Variants in RPS20 observed in about 807,000 individuals in gnomAD.
RPS20 encodes ribosomal protein S20.
A neutral mutation model predicts 15.3 loss-of-function variants in RPS20; 3 were observed. That is an observed-to-expected ratio of 0.20 (90% CI 0.09 to 0.51). The LOEUF is 0.51. Among genes scored for constraint, RPS20 ranks in the 20% least tolerant of loss-of-function variants. RPS20 has a pLI of 0.96. For synonymous variants in RPS20, 62 were observed against 47.8 expected (o/e 1.30, Z -1.23); for missense variants, 67 against 145.9 (o/e 0.46, Z 2.79).
Position 56,073,290 on chromosome 8 carries a change from G to A in RPS20, c.178-18C>T, listed in dbSNP as rs753827762. ...CTCAAAGTCTGTAACAAAAGACAAA[G>A]GAAACCAAGTGTTTATCGTTTTATA... is the stretch of plus-strand genomic sequence containing the variant. On this transcript the variant is annotated intron_variant, in intron 3 of 3. Transcript: ENST00000009589. 3.6e-5 allele frequency: 54 copies of A among 1,501,894 alleles called. No homozygotes were observed. Among genetic ancestry groups the A allele is most frequent in the Non-Finnish European group, 4.2e-5 (45 of 1,081,102 alleles). 93.0% of individuals were successfully genotyped at this position (1,501,894 alleles called of 1,614,324 possible). A position where few individuals can be genotyped will look rare whatever the true frequency, so the allele number is the denominator to read the frequency against.
At chr8:56,073,014 C>A, downstream of RPS20, 3 of 1,547,352 alleles carry the variant, frequency 1.9e-6, no homozygotes, top group Non-Finnish European at 2.6e-6. Flanking sequence ...CCTTTATATT[C>A]CTAAAATCTG....
downstream of RPS20, among the ~76,000 whole-genome samples, chr8:56,072,111 T>A (rs1809778618): frequency 6.6e-6 from 1 of 152,106 alleles, no homozygotes; most frequent in African/African-American, 2.4e-5. Flanking sequence ...GGTAGCCACA[T>A]GCTTGTTAAG....
At chr8:56,070,515 C>T (rs1809722446), downstream of RPS20, among the ~76,000 whole-genome samples, 1 of 151,916 alleles carries the variant, frequency 6.6e-6, no homozygotes, top group African/African-American at 2.4e-5. Flanking sequence ...GAGGGTGGAT[C>T]GCCTGAGCAT....
chr8:56,069,766 A>C, downstream of RPS20: 1 of 1,551,616 alleles, frequency 6.4e-7, no homozygotes, highest in Non-Finnish European at 8.7e-7. Context: ...CGGGGATTCG[A>C]ATACACTTCT....
chr8:56,072,526 T>C (rs1809792094), downstream of RPS20, among the ~76,000 whole-genome samples: 1 of 149,444 alleles, frequency 6.7e-6, no homozygotes, highest in South Asian at 2.1e-4. Context: ...CACTCCAGCC[T>C]GGGCCACAGA....
intron 3 of RPS20, 179 bp from the exon 4 acceptor site, chr8:56,073,451 G>A (rs1240671322): frequency 1.6e-6 from 1 of 637,650 alleles, no homozygotes; most frequent in Non-Finnish European, 2.7e-6. Flanking sequence ...ACTGTGCTAG[G>A]ACACCACCCT....
At chr8:56,069,921 C>A, downstream of RPS20, 1 of 720,480 alleles carries the variant, frequency 1.4e-6, no homozygotes, top group Non-Finnish European at 2.5e-6. Context: ...CTGAATACAG[C>A]ATAACTACTT....
downstream of RPS20, among the ~76,000 whole-genome samples, chr8:56,072,381 A>G (rs1809788490): frequency 6.6e-6 from 1 of 151,994 alleles, no homozygotes; most frequent in Non-Finnish European, 1.5e-5. Context: ...ACAAAACCCC[A>G]TCTCTACTAT....
At chr8:56,068,891 C>T (rs930499693), downstream of RPS20, among the ~76,000 whole-genome samples, 15 of 126,696 alleles carry the variant, frequency 1.2e-4, no homozygotes, top group Admixed American at 2.0e-4. Context: ...CCTTGCCTCC[C>T]GGGTTCAAGT....
chr8:56,072,152 G>A (rs1001993103), downstream of RPS20, among the ~76,000 whole-genome samples: 18 of 151,876 alleles, frequency 1.2e-4, no homozygotes, highest in African/African-American at 4.4e-4. Context: ...GAGGTGGATT[G>A]CATGAGCCCA....
downstream of RPS20, among the ~76,000 whole-genome samples, chr8:56,068,693 TATG>T (rs1467175780): frequency 6.6e-6 from 1 of 151,278 alleles, no homozygotes; most frequent in Admixed American, 6.6e-5. Context: ...ATACCAGATA[TATG>T]ATATTGTACT....
intron 2 of RPS20, 128 bp downstream of exon 2, chr8:56,073,932 A>G (rs562602087): frequency 9.0e-7 from 1 of 1,112,952 alleles, no homozygotes; most frequent in South Asian, 1.2e-5. Context: ...ATTTTAAGCC[A>G]CGCTTTACTT....
intron 2 of RPS20, 114 bp downstream of exon 2, chr8:56,073,946 T>A: frequency 8.8e-7 from 1 of 1,139,782 alleles, no homozygotes; most frequent in African/African-American, 1.5e-5. Flanking sequence ...TTTACTTTTT[T>A]AAGTAACTTG....
At chr8:56,074,301 C>T in intron 1 of RPS20, 80 bp downstream of exon 1, 1 of 1,546,008 alleles carries the variant, frequency 6.5e-7, no homozygotes, top group Non-Finnish European at 8.7e-7. Flanking sequence ...CATCTGCCCT[C>T]AGGAGCACGA....
At chr8:56,073,342 A>G (rs1288484594) in intron 3 of RPS20, 70 bp from the exon 4 acceptor site, 14 of 957,918 alleles carry the variant, frequency 1.5e-5, no homozygotes, top group Middle Eastern at 2.2e-4. Context: ...CTGGAAAATC[A>G]TTACTTCTAA....
At position 56,074,402 on chromosome 8, in the gene RPS20, T is replaced by C; in HGVS notation, c.-19A>G. 6.4e-7 allele frequency: 1 copy of C among 1,557,956 alleles called. No individual in the cohort carries two copies. The highest frequency in any genetic ancestry group is 2.4e-5 in the East Asian group (1 of 42,360). Reference sequence around the variant, plus strand: ...TCACCATGGCTGTTGCGCGCGGGCTTCCTGACCGACTTGTTCCTCGGCGAG... The same window carrying C: ...TCACCATGGCTGTTGCGCGCGGGCTCCCTGACCGACTTGTTCCTCGGCGAG... On this transcript the variant is annotated 5_prime_UTR_variant, in exon 1 of 4. Transcript: ENST00000009589.
In RPS20 at chr8:56,074,174, A is replaced by G. The variant is rs746963404; in HGVS notation, c.4-15T>C. ...TCCTTAAAAGCCTATTATTAGATACATGAAAAAGAACAATAAGCCAAAAAT... is the reference window on the plus strand; with the variant it reads ...TCCTTAAAAGCCTATTATTAGATACGTGAAAAAGAACAATAAGCCAAAAAT... On this transcript the variant is annotated splice_polypyrimidine_tract_variant and intron_variant, in intron 1 of 3. Transcript: ENST00000009589. 7.5e-6 allele frequency: 12 copies of G among 1,602,894 alleles called. No individual in the cohort carries two copies. The highest frequency in any genetic ancestry group is 2.2e-5 in the East Asian group (1 of 44,856).
At position 56,074,479 on chromosome 8, in the gene RPS20, C is replaced by A. The variant is rs1207821774; in HGVS notation, c.-96G>T. 5 of 1,351,446 alleles carry A rather than the reference C, an allele frequency of 3.7e-6. No homozygotes were observed. The highest frequency in any genetic ancestry group is 5.0e-6 in the Non-Finnish European group (5 of 991,418). The allele number at this position is 1,351,446 out of a possible 1,614,324, so 83.7% of individuals were successfully genotyped here. A position where few individuals can be genotyped will look rare whatever the true frequency, so the allele number is the denominator to read the frequency against. On this transcript the variant is annotated 5_prime_UTR_variant, in exon 1 of 4. Transcript: ENST00000009589. ...GAGCGTGCGGACCAAAAATCCTCAG[C>A]CCTTACGACCGCGTCTTCCTCAAAA...
intron 3 of RPS20, 155 bp from the exon 4 acceptor site, chr8:56,073,427 C>T (rs1809825703): frequency 1.5e-6 from 1 of 664,552 alleles, no homozygotes; most frequent in Non-Finnish European, 2.6e-6. Context: ...GTTGAAAATG[C>T]CAGGTCTGTT....
Sources: gnomAD v4.1 joint callset for allele counts (sites outside exome capture counted in the v4.1 genomes callset) on GRCh38, gnomAD v4.1.1 for gene constraint, MANE v1.5 for transcripts, NCBI Gene and HGNC (gene_info 2026-07-23, HGNC 2026-07-21) for gene names.